Variants in MEI4 observed in about 807,000 individuals in gnomAD.
MEI4 encodes meiosis-specific protein MEI4.
Under a neutral mutation model 31.4 loss-of-function variants are expected in MEI4, and 27 were observed. The observed-to-expected ratio is 0.86, with a 90% confidence interval of 0.63 to 1.19. The LOEUF (loss-of-function observed/expected upper bound fraction) is 1.19, where lower values mean the gene tolerates loss of function less well. Ranked by LOEUF, MEI4 falls within the 50% of genes most tolerant of loss-of-function variation. MEI4 has a pLI of 0.00. For synonymous variants in MEI4, 122 were observed against 145.4 expected, an observed-to-expected ratio of 0.84 and a Z score of 1.16; for missense variants, 329 against 398.9, an observed-to-expected ratio of 0.82 and a Z score of 1.49.
intron 4 of MEI4, among the ~76,000 whole-genome samples, chr6:77,829,884 T>C (rs1252317526): frequency 6.6e-6 from 1 of 152,130 alleles, no homozygotes; most frequent in Non-Finnish European, 1.5e-5. Flanking sequence ...TCTAATGACA[T>C]AGTCTAAAAA....
At chr6:77,883,745 ACTTTGT>A (rs1333095121) in intron 4 of MEI4, among the ~76,000 whole-genome samples, 2 of 82,302 alleles carry the variant, frequency 2.4e-5, no homozygotes, top group Non-Finnish European at 4.8e-5. Flanking sequence ...TATATATATA[ACTTTGT>A]CTTTGTCTAT....
chr6:77,777,077 T>A (rs1456190326), intron 3 of MEI4, among the ~76,000 whole-genome samples: 1 of 152,178 alleles, frequency 6.6e-6, no homozygotes, highest in Admixed American at 6.6e-5. Context: ...GCATTAAAGT[T>A]AGTATATTGA....
intron 4 of MEI4, among the ~76,000 whole-genome samples, chr6:77,832,060 A>G (rs1770096584): frequency 6.6e-6 from 1 of 152,062 alleles, no homozygotes. Context: ...TGACGTATCA[A>G]TTAAAAATGC....
intron 4 of MEI4, among the ~76,000 whole-genome samples, chr6:77,875,635 TAAC>T (rs1771315592): frequency 6.6e-6 from 1 of 152,220 alleles, no homozygotes. Flanking sequence ...TTATCATTAA[TAAC>T]AAACACTGAA....
chr6:77,701,722 A>G (rs1766227859), intron 2 of MEI4, among the ~76,000 whole-genome samples: 1 of 152,122 alleles, frequency 6.6e-6, no homozygotes, highest in Non-Finnish European at 1.5e-5. Context: ...GCCAGAGTGA[A>G]AAGAAAGTAA....
At chr6:77,671,414 C>G (rs1217862899) in intron 1 of MEI4, among the ~76,000 whole-genome samples, 2 of 152,060 alleles carry the variant, frequency 1.3e-5, no homozygotes, top group East Asian at 3.9e-4. Flanking sequence ...TTTCCTTGTA[C>G]TGCAAGGTTG....
chr6:77,823,410 G>A (rs963905981), intron 3 of MEI4, among the ~76,000 whole-genome samples: 5 of 152,168 alleles, frequency 3.3e-5, no homozygotes, highest in Non-Finnish European at 7.4e-5. Flanking sequence ...GGATAGCAGC[G>A]TCTCTCATTC....
chr6:77,909,162 C>T (rs1291864857), intron 4 of MEI4, among the ~76,000 whole-genome samples: 1 of 152,012 alleles, frequency 6.6e-6, no homozygotes, highest in Non-Finnish European at 1.5e-5. Context: ...TCTCTCAGAC[C>T]ACAGTGCAAT....
chr6:77,680,691 G>T (rs953426210), intron 1 of MEI4, among the ~76,000 whole-genome samples: 1 of 152,154 alleles, frequency 6.6e-6, no homozygotes, highest in Non-Finnish European at 1.5e-5. Flanking sequence ...GCTAGTGAAA[G>T]TAGAGCTCTA....
chr6:77,796,769 T>G (rs904827932), intron 3 of MEI4, among the ~76,000 whole-genome samples: 1 of 152,292 alleles, frequency 6.6e-6, no homozygotes, highest in Non-Finnish European at 1.5e-5. Context: ...CCACCCAAAG[T>G]GAGCTACAGA....
intron 4 of MEI4, among the ~76,000 whole-genome samples, chr6:77,843,106 A>T (rs1770403191): frequency 6.9e-6 from 1 of 143,918 alleles, no homozygotes; most frequent in Non-Finnish European, 1.5e-5. Context: ...AAAAAAAAAC[A>T]GGTAAAGACT....
chr6:77,920,430 T>G (rs1185417282), intron 4 of MEI4, among the ~76,000 whole-genome samples: 1 of 151,872 alleles, frequency 6.6e-6, no homozygotes, highest in East Asian at 1.9e-4. Flanking sequence ...CCACCTCTAA[T>G]TCTATTCCAC....
intron 2 of MEI4, among the ~76,000 whole-genome samples, chr6:77,743,636 G>C (rs1767484965): frequency 6.6e-6 from 1 of 152,180 alleles, no homozygotes; most frequent in South Asian, 2.1e-4. Context: ...GCACGCAGCT[G>C]GAGATCTGAG....
chr6:77,746,334 T>C (rs1231195640), intron 2 of MEI4, among the ~76,000 whole-genome samples: 1 of 152,176 alleles, frequency 6.6e-6, no homozygotes, highest in Non-Finnish European at 1.5e-5. Context: ...GTAAAGCAGA[T>C]TACCTCCGAA....
intron 2 of MEI4, among the ~76,000 whole-genome samples, chr6:77,730,207 T>G (rs780075922): frequency 6.6e-6 from 1 of 152,140 alleles, no homozygotes; most frequent in Non-Finnish European, 1.5e-5. Context: ...ATTGGGTGTA[T>G]TGCTGACTTC....
At chr6:77,801,631 A>G (rs907461532) in intron 3 of MEI4, among the ~76,000 whole-genome samples, 2 of 152,138 alleles carry the variant, frequency 1.3e-5, no homozygotes, top group African/African-American at 2.4e-5. Flanking sequence ...ATTTAGTGCT[A>G]TAAATTTCCC....
chr6:77,752,602 TAAGAG>T (rs1442310884), intron 2 of MEI4, among the ~76,000 whole-genome samples: 2 of 152,086 alleles, frequency 1.3e-5, no homozygotes, highest in Non-Finnish European at 2.9e-5. Flanking sequence ...CTTAAGGAAA[TAAGAG>T]AAGACACAAA....
intron 2 of MEI4, among the ~76,000 whole-genome samples, chr6:77,749,459 C>T (rs1471299232): frequency 2.0e-5 from 3 of 152,030 alleles, no homozygotes; most frequent in African/African-American, 7.2e-5. Context: ...AGCATGAGAA[C>T]TTCGTGAAGC....
At chr6:77,804,593 C>A (rs867612817) in intron 3 of MEI4, among the ~76,000 whole-genome samples, 1 of 152,136 alleles carries the variant, frequency 6.6e-6, no homozygotes, top group Non-Finnish European at 1.5e-5. Context: ...GCCATCTTGC[C>A]TCCACCCTCC....
Sources: gnomAD v4.1 joint callset for allele counts (sites outside exome capture counted in the v4.1 genomes callset) on GRCh38, gnomAD v4.1.1 for gene constraint, MANE v1.5 for transcripts, NCBI Gene and HGNC (gene_info 2026-07-23, HGNC 2026-07-21) for gene names.